IL3RA: variants seen among roughly 807,000 people sequenced by gnomAD.
IL3RA encodes interleukin 3 receptor subunit alpha.
IL3RA carries 73 observed loss-of-function variants against 52.3 expected under a neutral mutation model. The observed-to-expected ratio is 1.40, with a 90% CI of 1.16 to 1.70. The LOEUF (loss-of-function observed/expected upper bound fraction) is 1.70, where lower values mean the gene tolerates loss of function less well. IL3RA is among the 40% of genes most tolerant of loss of function. The probability of loss-of-function intolerance (pLI) is 0.00; values close to 1 mark genes in which losing one functional copy is unlikely to be tolerated. For missense variants in IL3RA, 664 were observed against 504.4 expected (o/e 1.32, Z -3.03); for synonymous variants, 260 against 194.0 (o/e 1.34, Z -2.83).
At chrX:1,362,563 C>G (rs1347065899) in intron 8 of IL3RA, among the ~76,000 whole-genome samples, 14 of 151,902 alleles carry the variant, frequency 9.2e-5, no homozygotes, top group African/African-American at 3.1e-4. Context: ...CTCTCTGTGT[C>G]TCTTTGTATC....
chrX:1,346,734 C>T lies in IL3RA; in HGVS notation c.183+1300C>T, dbSNP rs763868819. Among the ~76,000 whole-genome samples, 50 of 151,428 alleles carry T rather than the reference C, an allele frequency of 3.3e-4. 1 individual carries two copies. The highest frequency in any genetic ancestry group is 9.8e-4 in the African/African-American group (40 of 40,820). On this transcript the variant is annotated intron_variant, in intron 3 of 11. Transcript: ENST00000331035. ...CTGCGTTCTCAGGGTTTGAGAACAG[C>T]GCCAGACCTCATGGGGTGGCCCAGG...
rs138038721 is a variant in IL3RA, at chrX:1,341,786, G to T, written c.21G>T (p.Thr7=). 1 of 1,613,916 alleles carries T rather than the reference G, an allele frequency of 6.2e-7. No homozygotes were observed. Among genetic ancestry groups the T allele is most frequent in the Admixed American group, 1.7e-5 (1 of 59,984 alleles). The change falls in exon 2 of 12, where the codon ACG becomes ACT. Residue 7 remains threonine, a synonymous_variant. Transcript: ENST00000331035. MVLLWL[T]LLLIALPCLL... ...TCCCGATGGTCCTCCTTTGGCTCAC[G>T]CTGCTCCTGATCGCCCTGCCCTGTC...
chrX:1,356,411 C>T, intron 7 of IL3RA, 75 bp downstream of exon 7: 1 of 806,898 alleles, frequency 1.2e-6, no homozygotes, highest in South Asian at 1.5e-5. Context: ...CACTCTGGGG[C>T]CTTGAAACGG....
At chrX:1,342,018 T>C (rs1489013377) in intron 2 of IL3RA, among the ~76,000 whole-genome samples, 189 bp downstream of exon 2, 1 of 152,004 alleles carries the variant, frequency 6.6e-6, no homozygotes. Flanking sequence ...TGCAGCATCT[T>C]GCAAAACGGT....
At chrX:1,364,187 CA>C (rs1168463070) in intron 8 of IL3RA, among the ~76,000 whole-genome samples, 196 of 128,968 alleles carry the variant, frequency 1.5e-3, no homozygotes, top group Middle Eastern at 6.4e-3. Context: ...GACTCCATCT[CA>C]AAAAAAAAAA....
chrX:1,362,009 T>G lies in IL3RA; in HGVS notation c.759+3122T>G, dbSNP rs182852039. 3.8e-3 allele frequency among the ~76,000 whole-genome samples: 581 copies of G among 151,846 alleles called. 6 individuals are homozygous for G. Among genetic ancestry groups the G allele is most frequent in the African/African-American group, 0.014 (561 of 41,482 alleles). ...CTGTCTCTCTGCTTCTGTTTTCCTC[T>G]CTGTCTCTGTTTTTCTTTCCCTCTC... On this transcript the variant is annotated intron_variant, in intron 8 of 11. Transcript: ENST00000331035.
intron 4 of IL3RA, among the ~76,000 whole-genome samples, 171 bp downstream of exon 4, chrX:1,348,716 C>CTG (rs1569520738): frequency 7.0e-5 from 5 of 70,974 alleles, no homozygotes; most frequent in African/African-American, 3.0e-4. Context: ...GTTTCTGTTT[C>CTG]TTTCTTCCTT....
intron 6 of IL3RA, among the ~76,000 whole-genome samples, chrX:1,355,821 G>C (rs1367785239): frequency 6.6e-6 from 1 of 151,966 alleles, no homozygotes; most frequent in Non-Finnish European, 1.5e-5. Context: ...GTAGGGGTTG[G>C]CCCTGGGCAG....
chrX:1,348,678 C>CT (rs368915677), intron 4 of IL3RA, 133 bp downstream of exon 4: 2 of 474,452 alleles, frequency 4.2e-6, no homozygotes, highest in African/African-American at 9.1e-5. Context: ...TTCTTTCTTT[C>CT]TTTCTTTCTT....
Position 1,361,355 on chromosome X carries a change from G to C in IL3RA, c.759+2468G>C, listed in dbSNP as rs763018655. 5.3e-5 allele frequency among the ~76,000 whole-genome samples: 8 copies of C among 152,220 alleles called. No homozygotes were observed. In the South Asian group the frequency reaches 1.7e-3, roughly 32 times the overall value. On this transcript the variant is annotated intron_variant, in intron 8 of 11. Coordinates refer to ENST00000331035, the MANE Select transcript of IL3RA (RefSeq NM_002183.4). ...GACTGGGTAATTTATAAACAAAAGA[G>C]GGTTCCTGGACTCACAGTTCCATGT...
At chrX:1,360,962 C>T (rs1333276416) in intron 8 of IL3RA, among the ~76,000 whole-genome samples, 1 of 81,356 alleles carries the variant, frequency 1.2e-5, no homozygotes, top group African/African-American at 7.0e-5. Context: ...TCTCTCTCTC[C>T]CTTCCCCTCT....
At chrX:1,344,643 G>A (rs1165313281) in intron 2 of IL3RA, among the ~76,000 whole-genome samples, 4 of 150,206 alleles carry the variant, frequency 2.7e-5, no homozygotes, top group Non-Finnish European at 4.4e-5. Context: ...CGTGGTGGTG[G>A]GCTCCTGTAA....
In IL3RA at chrX:1,365,146, C is replaced by T. The variant is rs768584706; in HGVS notation, c.768C>T (p.Asp256=). 1.2e-6 allele frequency: 2 copies of T among 1,608,688 alleles called. No individual in the cohort carries two copies. The highest frequency in any genetic ancestry group is 1.3e-5 in the African/African-American group (1 of 74,880). Residue 256 remains aspartate (D), a synonymous_variant, in exon 9 of 12, where the codon GAC becomes GAT. Coordinates refer to ENST00000331035, the MANE Select transcript of IL3RA (RefSeq NM_002183.4). ...TTTCTTTCAAACCACAGGTCAGAGA[C>T]AGAACCTCCTTCCAGCTACTCAATC... ...MQPVITEQVR[D]RTSFQLLNPG... is the part of the protein sequence containing the mutation.
At chrX:1,368,086 G>A (rs192081303) in intron 9 of IL3RA, among the ~76,000 whole-genome samples, 1 of 151,950 alleles carries the variant, frequency 6.6e-6, no homozygotes, top group Non-Finnish European at 1.5e-5. Flanking sequence ...GGTGAAACCC[G>A]GTCTCTACAA....
In IL3RA at chrX:1,345,887, C is replaced by G. The variant is rs2085720811; in HGVS notation, c.183+453C>G. On this transcript the variant is annotated intron_variant, in intron 3 of 11. Coordinates refer to ENST00000331035, the MANE Select transcript of IL3RA (RefSeq NM_002183.4). ...CGCTGGTGTCATGACTACCTGGTTT[C>G]TGCCCCGAAGTCAGGTGTGGGATTT... Among the ~76,000 whole-genome samples the G allele has an allele frequency of 1.3e-5, 2 of 152,012 alleles. 1 individual carries two copies. The highest frequency in any genetic ancestry group is 6.3e-3 in the Middle Eastern group (2 of 316).
intron 9 of IL3RA, among the ~76,000 whole-genome samples, chrX:1,377,023 G>A (rs1448850731): frequency 6.7e-6 from 1 of 149,008 alleles, no homozygotes; most frequent in South Asian, 2.2e-4. Flanking sequence ...TTCTGTGACA[G>A]CAGCCTGAGA....
Position 1,382,669 on chromosome X carries a change from GA to G in IL3RA, c.*205del. On this transcript the variant is annotated 3_prime_UTR_variant, in exon 12 of 12. Coordinates refer to ENST00000331035, the MANE Select transcript of IL3RA (RefSeq NM_002183.4). ...TTGTGTGTTTATTTCATGATAAAGT[GA>G]TTTTTTTTTTTTTAACCCACTCACT... The G allele has an allele frequency of 1.9e-6, 1 of 527,898 alleles. No homozygotes were observed. Among genetic ancestry groups the G allele is most frequent in the Non-Finnish European group, 3.4e-6 (1 of 297,148 alleles). The allele number at this position is 527,898 out of a possible 1,614,324, so 32.7% of individuals were successfully genotyped here.
At chrX:1,346,821 C>G (rs1308381779) in intron 3 of IL3RA, among the ~76,000 whole-genome samples, 1 of 151,140 alleles carries the variant, frequency 6.6e-6, no homozygotes, top group Non-Finnish European at 1.5e-5. Flanking sequence ...TCCCTGAGAA[C>G]CTATTTGGTC....
intron 7 of IL3RA, 130 bp from the exon 8 acceptor site, chrX:1,358,731 C>A: frequency 1.2e-6 from 1 of 803,668 alleles, no homozygotes; most frequent in Non-Finnish European, 2.1e-6. Context: ...GCCCCCACTG[C>A]TGCCCGAAGG....
Sources: allele counts gnomAD v4.1 joint callset (sites outside exome capture counted in the v4.1 genomes callset), GRCh38; gene constraint gnomAD v4.1.1; transcripts MANE v1.5; gene names NCBI Gene and HGNC (gene_info 2026-07-23, HGNC 2026-07-21).